Variants in UROC1 observed in about 807,000 individuals in gnomAD.
UROC1 encodes urocanate hydratase.
Under a neutral mutation model 89.5 loss-of-function variants are expected in UROC1, and 79 were observed. That is an observed-to-expected ratio of 0.88 (90% CI 0.74 to 1.06). UROC1 has a LOEUF of 1.06. Among genes scored for constraint, UROC1 ranks in the 50% least tolerant of loss-of-function variants. The pLI, the probability that UROC1 is intolerant of heterozygous loss-of-function variation, is 0.00. For missense variants in UROC1, 885 were observed against 907.8 expected (o/e 0.97, Z 0.32); for synonymous variants, 361 against 354.8 (o/e 1.02, Z -0.20).
Position 126,486,656 on chromosome 3 carries a change from G to A in UROC1, c.1790+1542C>T, listed in dbSNP as rs77665531. Among the ~76,000 whole-genome samples, 985 of 152,340 alleles carry A rather than the reference G, an allele frequency of 6.5e-3. 12 individuals are homozygous for A. Among genetic ancestry groups the A allele is most frequent in the African/African-American group, 0.023 (956 of 41,588 alleles). ...AGACAAGTGGAAACATGGGAAGTTC[G>A]GTCCAGGAATGTGAGGGTGAGCGCA... is the stretch of plus-strand genomic sequence containing the variant. On this transcript the variant is annotated intron_variant, in intron 18 of 19. Coordinates refer to ENST00000290868, the MANE Select transcript of UROC1 (RefSeq NM_144639.3).
chr3:126,492,655 A>AC, intron 15 of UROC1, 139 bp from the exon 16 acceptor site: 1 of 719,874 alleles, frequency 1.4e-6, no homozygotes, highest in South Asian at 1.5e-5. Context: ...GTCCAGGAGG[A>AC]CCCCCAGGGT....
chr3:126,505,135 C>A (rs1230011521), intron 8 of UROC1, among the ~76,000 whole-genome samples: 1 of 152,206 alleles, frequency 6.6e-6, no homozygotes, highest in Non-Finnish European at 1.5e-5. Context: ...GAGACCTCAA[C>A]AGAAGCAGAT....
intron 1 of UROC1, among the ~76,000 whole-genome samples, chr3:126,511,250 A>C (rs1193068749): frequency 6.6e-6 from 1 of 152,002 alleles, no homozygotes; most frequent in Non-Finnish European, 1.5e-5. Context: ...ACACACATGA[A>C]CTCTTTTGAT....
At chr3:126,501,744 C>G in intron 9 of UROC1, 1 of 1,567,658 alleles carries the variant, frequency 6.4e-7, no homozygotes, top group Non-Finnish European at 8.6e-7. Context: ...TATCAAAAAG[C>G]AGCAATGCAC....
intron 9 of UROC1, 124 bp from the exon 10 acceptor site, chr3:126,501,404 C>T (rs1935920828): frequency 5.1e-6 from 6 of 1,167,988 alleles, no homozygotes; most frequent in East Asian, 4.7e-5. Context: ...TGTGTGCAAA[C>T]GTGGGGGCCA....
At chr3:126,491,717 C>G in intron 16 of UROC1, among the ~76,000 whole-genome samples, 1 of 152,228 alleles carries the variant, frequency 6.6e-6, no homozygotes, top group East Asian at 1.9e-4. Flanking sequence ...AGCAAGCATG[C>G]CCAGGGTTCC....
At chr3:126,511,494 C>A (rs1207080529) in intron 1 of UROC1, among the ~76,000 whole-genome samples, 3 of 152,234 alleles carry the variant, frequency 2.0e-5, no homozygotes, top group African/African-American at 7.2e-5. Context: ...GTGCCAGCCG[C>A]CGCCTCGGGG....
At position 126,510,799 on chromosome 3, in the gene UROC1, G is replaced by A. The variant is rs200762905; in HGVS notation, c.127-5C>T. 1 of 1,612,534 alleles carries A rather than the reference G, an allele frequency of 6.2e-7. No individual in the cohort carries two copies. On this transcript the variant is annotated splice_polypyrimidine_tract_variant and splice_region_variant and intron_variant, in intron 1 of 19. Transcript: ENST00000290868. ...CAGGGCGTTCCTCAGCGCCAGCTGG[G>A]GTAGGAGAGCGGAGAGGCAGTCGGG...
In UROC1 at chr3:126,501,259, C is replaced by T. The variant is rs1411880966; in HGVS notation, c.924G>A (p.Glu308=). The T allele has an allele frequency of 3.7e-6, 6 of 1,614,150 alleles. No individual in the cohort carries two copies. The South Asian group carries it at 5.5e-5, about 15-fold the overall frequency. ...TGCCATGGTAACCAAGGCTGAGCAC[C>T]TCCTTTTTTTTCCTTGCTTCCCTGG... ...QRLREARKKK[E]VLSLGYHGNV... is the part of the protein sequence containing the mutation. Residue 308 remains glutamate (E), a synonymous_variant, in exon 10 of 20, where the codon GAG becomes GAA. Transcript: ENST00000290868.
At chr3:126,486,674 T>C (rs1310095700) in intron 18 of UROC1, among the ~76,000 whole-genome samples, 1 of 152,048 alleles carries the variant, frequency 6.6e-6, no homozygotes, top group Non-Finnish European at 1.5e-5. Flanking sequence ...AATGTGAGGG[T>C]GAGCGCACAG....
chr3:126,483,264 C>T, intron 19 of UROC1, 105 bp downstream of exon 19: 2 of 1,057,808 alleles, frequency 1.9e-6, no homozygotes, highest in Non-Finnish European at 1.4e-6. Context: ...GGAATCCGGC[C>T]CCCATCCCCA....
rs1383457636 is a variant in UROC1, at chr3:126,496,021, C to T, written c.1509+17G>A. ...ACAGCACAGCCACCCCAGCCTCCCC[C>T]AGGCCTGGGCCCTCACCAGCCGGTG... On this transcript the variant is annotated intron_variant, in intron 15 of 19. Coordinates refer to ENST00000290868, the MANE Select transcript of UROC1 (RefSeq NM_144639.3). The T allele has an allele frequency of 1.2e-6, 2 of 1,611,652 alleles. No homozygotes were observed. The highest frequency in any genetic ancestry group is 8.5e-7 in the Non-Finnish European group (1 of 1,179,328).
intron 9 of UROC1, among the ~76,000 whole-genome samples, chr3:126,503,011 G>A (rs952742577): frequency 6.6e-6 from 1 of 151,916 alleles, no homozygotes; most frequent in Non-Finnish European, 1.5e-5. Context: ...CATGCATGTT[G>A]TGTGTGTTTA....
chr3:126,490,636 G>C (rs531730213), intron 16 of UROC1, among the ~76,000 whole-genome samples: 52 of 151,396 alleles, frequency 3.4e-4, no homozygotes, highest in African/African-American at 1.2e-3. Context: ...AGTGAGCTGA[G>C]ACCACGCCTG....
intron 1 of UROC1, among the ~76,000 whole-genome samples, chr3:126,512,432 G>A (rs1453713954): frequency 6.6e-6 from 1 of 152,194 alleles, no homozygotes. Context: ...TTTATGCTAC[G>A]AAAAATATAA....
intron 15 of UROC1, 139 bp downstream of exon 15, chr3:126,495,899 G>C (rs1206636175): frequency 2.5e-6 from 2 of 798,902 alleles, no homozygotes; most frequent in Non-Finnish European, 4.2e-6. Flanking sequence ...AGTCACACAG[G>C]ATCTTGTGTG....
intron 13 of UROC1, 105 bp downstream of exon 13, chr3:126,499,232 G>T (rs771101472): frequency 7.9e-7 from 1 of 1,266,914 alleles, no homozygotes; most frequent in Non-Finnish European, 1.1e-6. Flanking sequence ...CCTCAGGGGC[G>T]GTCAGAGGCT....
At chr3:126,506,037 C>T in intron 6 of UROC1, 26 bp from the exon 7 acceptor site, 1 of 1,613,200 alleles carries the variant, frequency 6.2e-7, no homozygotes, top group East Asian at 2.2e-5. Context: ...GAAGCCAAGC[C>T]CAGGGCTCAG....
intron 9 of UROC1, among the ~76,000 whole-genome samples, 175 bp downstream of exon 9, chr3:126,503,818 CGT>C (rs145913960): frequency 1.3e-4 from 19 of 151,722 alleles, no homozygotes; most frequent in African/African-American, 4.3e-4. Flanking sequence ...CCCTTGTGTG[CGT>C]GTGTGTGTGT....
Sources: gnomAD v4.1 joint callset for allele counts (sites outside exome capture counted in the v4.1 genomes callset) on GRCh38, gnomAD v4.1.1 for gene constraint, MANE v1.5 for transcripts, NCBI Gene and HGNC (gene_info 2026-07-23, HGNC 2026-07-21) for gene names.